TMEM178B: variants seen among roughly 807,000 people sequenced by gnomAD.
The protein encoded by TMEM178B is transmembrane protein 178B.
TMEM178B carries 5 observed loss-of-function variants against 31.0 expected under a neutral mutation model. The ratio of observed to expected loss-of-function variants is 0.16; its 90% CI spans 0.08 to 0.34. The LOEUF (loss-of-function observed/expected upper bound fraction) is 0.34. Ranked by LOEUF, TMEM178B falls within the 10% of genes least tolerant of loss-of-function variation. The pLI, the probability that TMEM178B is intolerant of heterozygous loss-of-function variation, is 1.00. For missense variants in TMEM178B, 275 were observed against 400.3 expected (o/e 0.69, Z 2.67); for synonymous variants, 164 against 164.0 (o/e 1.00, Z 0.00).
Position 141,476,551 on chromosome 7 carries a change from G to A in TMEM178B, c.*5765G>A, listed in dbSNP as rs1341716454. 6.6e-6 allele frequency: 1 copy of A among 152,170 alleles called. No homozygotes were observed. Among genetic ancestry groups the A allele is most frequent in the Non-Finnish European group, 1.5e-5 (1 of 68,028 alleles). The allele number at this position is 152,170 out of a possible 1,614,324, so 9.4% of individuals were successfully genotyped here. ...TTCAATGATCTTTCAAGTTTAGGATGAGACCAAGTCTCAAGGAGCTGGGAT... is the reference window on the plus strand; with the variant it reads ...TTCAATGATCTTTCAAGTTTAGGATAAGACCAAGTCTCAAGGAGCTGGGAT... On this transcript the variant is annotated 3_prime_UTR_variant, in exon 4 of 4. Coordinates refer to ENST00000565468, the MANE Select transcript of TMEM178B (RefSeq NM_001195278.2).
At chr7:141,173,865 G>A (rs905676657) in intron 1 of TMEM178B, among the ~76,000 whole-genome samples, 9 of 152,146 alleles carry the variant, frequency 5.9e-5, no homozygotes, top group Admixed American at 5.2e-4. Flanking sequence ...GGCCAGCATT[G>A]TGTTTTGTGC....
At chr7:141,108,170 C>T (rs189182795) in intron 1 of TMEM178B, among the ~76,000 whole-genome samples, 3 of 152,218 alleles carry the variant, frequency 2.0e-5, no homozygotes, top group Non-Finnish European at 4.4e-5. Flanking sequence ...AGAGAGAACT[C>T]TTTAAAGATG....
intron 3 of TMEM178B, among the ~76,000 whole-genome samples, chr7:141,467,520 A>G (rs993266237): frequency 6.6e-6 from 1 of 152,072 alleles, no homozygotes; most frequent in Non-Finnish European, 1.5e-5. Context: ...CTCTGCTCCC[A>G]CCTTGCCAGA....
intron 2 of TMEM178B, among the ~76,000 whole-genome samples, chr7:141,337,767 C>T (rs111643066): frequency 3.3e-5 from 5 of 152,118 alleles, no homozygotes; most frequent in Non-Finnish European, 5.9e-5. Flanking sequence ...TCTTATAAAG[C>T]CTTTTAGTCC....
intron 1 of TMEM178B, among the ~76,000 whole-genome samples, chr7:141,172,568 C>T (rs1796365661): frequency 6.6e-6 from 1 of 152,208 alleles, no homozygotes; most frequent in Non-Finnish European, 1.5e-5. Context: ...CTACAAGGAG[C>T]AGGCTCGGTT....
chr7:141,077,625 C>G (rs1794620690), intron 1 of TMEM178B, among the ~76,000 whole-genome samples: 1 of 152,186 alleles, frequency 6.6e-6, no homozygotes, highest in Non-Finnish European at 1.5e-5. Context: ...CATTATTAAA[C>G]TGTAAGTTCC....
chr7:141,131,678 A>C (rs1004913750), intron 1 of TMEM178B, among the ~76,000 whole-genome samples: 1 of 152,104 alleles, frequency 6.6e-6, no homozygotes, highest in African/African-American at 2.4e-5. Flanking sequence ...TGAACATCTC[A>C]CAGTTTGTTT....
chr7:141,112,354 G>A (rs774189123), intron 1 of TMEM178B, among the ~76,000 whole-genome samples: 33 of 152,224 alleles, frequency 2.2e-4, no homozygotes, highest in Non-Finnish European at 4.1e-4. Context: ...CTGGGCTCAA[G>A]CAATCCTCTC....
intron 2 of TMEM178B, among the ~76,000 whole-genome samples, chr7:141,349,412 A>G (rs536045261): frequency 6.6e-6 from 1 of 152,258 alleles, no homozygotes; most frequent in Admixed American, 6.5e-5. Context: ...AGGGGCCCAG[A>G]CACGCTTTAG....
intron 2 of TMEM178B, among the ~76,000 whole-genome samples, chr7:141,231,232 A>C (rs1165442256): frequency 6.7e-6 from 1 of 149,870 alleles, no homozygotes; most frequent in Non-Finnish European, 1.5e-5. Context: ...GTGCATATTT[A>C]TTGAATGAAC....
intron 2 of TMEM178B, among the ~76,000 whole-genome samples, chr7:141,373,009 G>A (rs1238594606): frequency 6.6e-6 from 1 of 152,206 alleles, no homozygotes; most frequent in Non-Finnish European, 1.5e-5. Context: ...ACAGCCTGGA[G>A]TCCACCGCTG....
chr7:141,358,218 A>T (rs140632397), intron 2 of TMEM178B, among the ~76,000 whole-genome samples: 65 of 152,286 alleles, frequency 4.3e-4, no homozygotes, highest in Non-Finnish European at 7.2e-4. Flanking sequence ...TTCTTAACAG[A>T]TACTCAGTAT....
intron 2 of TMEM178B, among the ~76,000 whole-genome samples, chr7:141,295,186 A>G (rs1358899220): frequency 6.6e-6 from 1 of 152,206 alleles, no homozygotes; most frequent in Non-Finnish European, 1.5e-5. Flanking sequence ...GAGGTCCTGG[A>G]CACAGGTGAA....
chr7:141,488,522 C>A, the TMEM178B span, among the ~76,000 whole-genome samples: 123 of 152,228 alleles, frequency 8.1e-4, no homozygotes, highest in African/African-American at 2.9e-3. Context: ...TGACTGCAAC[C>A]TCTGCCTCCC....
At chr7:141,446,419 A>G (rs1563184676) in intron 3 of TMEM178B, among the ~76,000 whole-genome samples, 1 of 152,220 alleles carries the variant, frequency 6.6e-6, no homozygotes, top group East Asian at 1.9e-4. Flanking sequence ...AGTCTTTGTC[A>G]TTGGCTTTCT....
At chr7:141,419,324 C>G (rs941206312) in intron 2 of TMEM178B, among the ~76,000 whole-genome samples, 30 of 152,276 alleles carry the variant, frequency 2.0e-4, no homozygotes, top group African/African-American at 7.2e-4. Context: ...AGGACATCAC[C>G]AAGGATATCA....
At chr7:141,131,547 A>G (rs992794585) in intron 1 of TMEM178B, among the ~76,000 whole-genome samples, 3 of 152,114 alleles carry the variant, frequency 2.0e-5, no homozygotes, top group African/African-American at 7.2e-5. Context: ...CTTTCGGGTT[A>G]CGTATAATTG....
chr7:141,329,993 C>T (rs977457308), intron 2 of TMEM178B, among the ~76,000 whole-genome samples: 2 of 152,174 alleles, frequency 1.3e-5, no homozygotes, highest in African/African-American at 4.8e-5. Context: ...CCAGGAGATA[C>T]ACTAGGACTG....
chr7:141,242,303 A>G (rs565345809), intron 2 of TMEM178B, among the ~76,000 whole-genome samples: 151 of 152,278 alleles, frequency 9.9e-4, no homozygotes, highest in Non-Finnish European at 1.7e-3. Flanking sequence ...TCAAAGTCGA[A>G]ATTTACTTTC....
Sources: allele counts gnomAD v4.1 joint callset (sites outside exome capture counted in the v4.1 genomes callset), GRCh38; gene constraint gnomAD v4.1.1; transcripts MANE v1.5; gene names NCBI Gene and HGNC (gene_info 2026-07-23, HGNC 2026-07-21).